Variants in DDX11 observed in about 807,000 individuals in gnomAD.
DDX11 encodes ATP-dependent DNA helicase DDX11.
Under a neutral mutation model 125.2 loss-of-function variants are expected in DDX11, and 72 were observed. The observed-to-expected ratio is 0.58, with a 90% CI of 0.48 to 0.70. DDX11 has a LOEUF of 0.70. DDX11 is among the 30% of genes least tolerant of loss of function. The pLI, the probability that DDX11 is intolerant of heterozygous loss-of-function variation, is 0.00. For missense variants in DDX11, 883 were observed against 1,165.0 expected, an observed-to-expected ratio of 0.76 and a Z score of 3.52; for synonymous variants, 347 against 452.6, an observed-to-expected ratio of 0.77 and a Z score of 2.96.
intron 17 of DDX11, among the ~76,000 whole-genome samples, chr12:31,097,194 C>T (rs1203318696): frequency 7.0e-6 from 1 of 143,656 alleles, no homozygotes; most frequent in Admixed American, 6.8e-5. Flanking sequence ...ATGGGGGTCC[C>T]GTGACCAGGG....
At chr12:31,087,795 T>C in intron 5 of DDX11, 143 bp from the exon 6 acceptor site, 3 of 1,442,028 alleles carry the variant, frequency 2.1e-6, no homozygotes, top group Non-Finnish European at 2.8e-6. Flanking sequence ...TGGGGGAGTT[T>C]CTGAGCGAGC....
chr12:31,098,049 G>A (rs1252271062), intron 18 of DDX11, 52 bp downstream of exon 18: 14 of 1,491,562 alleles, frequency 9.4e-6, no homozygotes, highest in Middle Eastern at 1.8e-4. Flanking sequence ...GATGAGATGG[G>A]GGCTTGGGAG....
chr12:31,076,715 TTCTTC>T (rs1201511541), intron 1 of DDX11, among the ~76,000 whole-genome samples: 2 of 152,136 alleles, frequency 1.3e-5, no homozygotes, highest in Non-Finnish European at 1.5e-5. Context: ...TTAGGTACCT[TTCTTC>T]CCCTTTCCTT....
At chr12:31,100,442 ATAGTTTAAAC>A in intron 18 of DDX11, 183 bp from the exon 19 acceptor site, 1 of 534,222 alleles carries the variant, frequency 1.9e-6, no homozygotes, top group Non-Finnish European at 3.4e-6. Flanking sequence ...GTTCCTGCAC[ATAGTTTAAAC>A]GAGACTGCCA....
At chr12:31,097,476 C>T (rs1002417125) in intron 17 of DDX11, among the ~76,000 whole-genome samples, 31 of 149,888 alleles carry the variant, frequency 2.1e-4, no homozygotes, top group Admixed American at 3.3e-4. Flanking sequence ...TTCAGGAGAT[C>T]GAGACCATCC....
intron 1 of DDX11, 186 bp from the exon 2 acceptor site, chr12:31,078,204 G>A (rs77842499): frequency 1.9e-5 from 29 of 1,529,336 alleles, no homozygotes; most frequent in African/African-American, 2.8e-5. Context: ...GATGGAGTGC[G>A]TGATTCTGGT....
At chr12:31,102,910 G>A (rs3825313) in intron 23 of DDX11, 26 bp from the exon 24 acceptor site, 1 of 1,612,582 alleles carries the variant, frequency 6.2e-7, no homozygotes, top group Non-Finnish European at 8.5e-7. Flanking sequence ...ACGTCCACCT[G>A]CTGGGCTCTT....
At chr12:31,094,284 G>T in intron 12 of DDX11, 1 of 387,750 alleles carries the variant, frequency 2.6e-6, no homozygotes, top group Non-Finnish European at 5.0e-6. Context: ...GCTCCTCTGT[G>T]CTCCGGTGCC....
At chr12:31,081,384 G>T (rs1403118687) in intron 2 of DDX11, among the ~76,000 whole-genome samples, 1 of 152,202 alleles carries the variant, frequency 6.6e-6, no homozygotes, top group Admixed American at 6.5e-5. Context: ...CGCCGTGGAT[G>T]CACAGGTGCC....
intron 5 of DDX11, chr12:31,086,339 G>C (rs1381033422): frequency 1.1e-5 from 4 of 375,402 alleles, no homozygotes; most frequent in Non-Finnish European, 2.1e-5. Context: ...CGTCTTTATA[G>C]TTTGATGTTC....
chr12:31,098,855 C>T (rs1028185318), intron 18 of DDX11, among the ~76,000 whole-genome samples: 4 of 152,148 alleles, frequency 2.6e-5, no homozygotes, highest in Non-Finnish European at 5.9e-5. Context: ...GTGGCCCGGT[C>T]AGTCTCGCCT....
chr12:31,092,744 C>T (rs1423837354), intron 10 of DDX11, 102 bp from the exon 11 acceptor site: 1 of 1,279,198 alleles, frequency 7.8e-7, no homozygotes, highest in Non-Finnish European at 1.1e-6. Flanking sequence ...CCTTTGGTGG[C>T]TTCCTGTGTG....
chr12:31,102,776 C>T (rs891447117), intron 23 of DDX11, 160 bp from the exon 24 acceptor site: 6 of 759,408 alleles, frequency 7.9e-6, no homozygotes, highest in Non-Finnish European at 1.4e-5. Flanking sequence ...CTCAGCCGAA[C>T]AAGCCCTCTC....
At chr12:31,089,175 C>A in intron 7 of DDX11, 24 bp downstream of exon 7, 1 of 1,589,918 alleles carries the variant, frequency 6.3e-7, no homozygotes, top group Non-Finnish European at 8.6e-7. Context: ...AGTATTTCCA[C>A]CAGGGGCCAT....
intron 2 of DDX11, among the ~76,000 whole-genome samples, chr12:31,079,803 T>G (rs1381355507): frequency 8.6e-5 from 13 of 152,042 alleles, no homozygotes; most frequent in African/African-American, 3.1e-4. Flanking sequence ...CAGCTTCTTT[T>G]GTTTTGTTTT....
intron 16 of DDX11, 37 bp downstream of exon 16, chr12:31,096,782 C>A: frequency 1.9e-6 from 3 of 1,614,170 alleles, no homozygotes; most frequent in Non-Finnish European, 2.5e-6. Flanking sequence ...GCCGGCTGCA[C>A]GCATGGGCAA....
In DDX11 at chr12:31,087,986, A is replaced by G. The variant is rs1943463499; in HGVS notation, c.684+3A>G. 3.1e-6 allele frequency: 5 copies of G among 1,608,192 alleles called. No individual in the cohort carries two copies. Among genetic ancestry groups the G allele is most frequent in the Non-Finnish European group, 4.2e-6 (5 of 1,177,718 alleles). The stretch of plus-strand genomic sequence containing the variant: ...TGGAGGAAGAACACATAACTAAGGT[A>G]ACACAAGTGTCCTCAGCTGGTGCTG... On this transcript the variant is annotated splice_donor_region_variant and intron_variant, in intron 6 of 26. Coordinates refer to ENST00000542838, the MANE Select transcript of DDX11 (RefSeq NM_030653.4).
At chr12:31,093,720 C>CAAAAAAAAAAAAAAAAAAAAA (rs71052461) in intron 12 of DDX11, 1 of 55,564 alleles carries the variant, frequency 1.8e-5, no homozygotes, top group African/African-American at 8.3e-5. Context: ...GAATCAGTCT[C>CAAAAAAAAAAAAAAAAAAAAA]AAAAAAAAAA....
chr12:31,082,663 G>A (rs1048275542), intron 2 of DDX11, among the ~76,000 whole-genome samples: 56 of 152,000 alleles, frequency 3.7e-4, no homozygotes, highest in Non-Finnish European at 5.6e-4. Context: ...CACCAGGGCC[G>A]CCTCCTTGTG....
Sources: gnomAD v4.1 joint callset for allele counts (sites outside exome capture counted in the v4.1 genomes callset) on GRCh38, gnomAD v4.1.1 for gene constraint, MANE v1.5 for transcripts, NCBI Gene and HGNC (gene_info 2026-07-23, HGNC 2026-07-21) for gene names.